The following CNTNAP2 variants were observed in gnomAD, a reference collection of about 807,000 sequenced individuals.
The protein encoded by CNTNAP2 is contactin associated protein 2, also known as contactin-associated protein-like 2.
Under a neutral mutation model 155.2 loss-of-function variants are expected in CNTNAP2, and 98 were observed. The observed-to-expected ratio is 0.63, with a 90% CI of 0.54 to 0.75. The LOEUF is 0.75. CNTNAP2 is among the 30% of genes least tolerant of loss of function. CNTNAP2 has a pLI of 0.00. For synonymous variants in CNTNAP2, 651 were observed against 631.2 expected (o/e 1.03, Z -0.47); for missense variants, 1,727 against 1,688.1 (o/e 1.02, Z -0.40).
intron 10 of CNTNAP2, among the ~76,000 whole-genome samples, chr7:147,425,779 G>A (rs964167139): frequency 5.3e-5 from 8 of 152,116 alleles, no homozygotes; most frequent in African/African-American, 1.9e-4. Context: ...GTTAATTGAA[G>A]ATGTATTTTC....
intron 6 of CNTNAP2, among the ~76,000 whole-genome samples, chr7:147,124,449 G>A (rs1254703841): frequency 6.6e-6 from 1 of 152,158 alleles, no homozygotes; most frequent in Non-Finnish European, 1.5e-5. Flanking sequence ...TATAGCATTT[G>A]TTAATTTTCA....
At chr7:147,196,622 A>T (rs2116537634) in intron 8 of CNTNAP2, among the ~76,000 whole-genome samples, 1 of 152,314 alleles carries the variant, frequency 6.6e-6, no homozygotes, top group African/African-American at 2.4e-5. Flanking sequence ...ACAAAGGAAT[A>T]AAACCTCGCC....
At chr7:147,946,027 T>C (rs2952670) in intron 14 of CNTNAP2, among the ~76,000 whole-genome samples, 126,241 of 151,620 alleles carry the variant, frequency 0.83, 53,052 homozygotes, top group South Asian at 0.93. Context: ...GCCACCATGC[T>C]CGGCTGATTT....
At chr7:147,472,240 TCTCA>T (rs1283763115) in intron 10 of CNTNAP2, among the ~76,000 whole-genome samples, 9 of 139,814 alleles carry the variant, frequency 6.4e-5, no homozygotes, top group African/African-American at 1.9e-4. Flanking sequence ...TGAGACTGAG[TCTCA>T]CTCAGTTGCC....
chr7:147,999,581 A>G (rs1329112782), intron 15 of CNTNAP2, among the ~76,000 whole-genome samples: 9 of 152,194 alleles, frequency 5.9e-5, no homozygotes, highest in Admixed American at 3.9e-4. Context: ...ATTCCCCAAA[A>G]GAGATGTTGA....
At chr7:147,863,382 A>G (rs551287000) in intron 13 of CNTNAP2, among the ~76,000 whole-genome samples, 1 of 152,310 alleles carries the variant, frequency 6.6e-6, no homozygotes, top group South Asian at 2.1e-4. Flanking sequence ...GAGTGCCACA[A>G]TAAACATACG....
intron 18 of CNTNAP2, among the ~76,000 whole-genome samples, chr7:148,204,070 A>G (rs1013177669): frequency 2.0e-5 from 3 of 152,260 alleles, no homozygotes; most frequent in Non-Finnish European, 4.4e-5. Context: ...GAATCCCATT[A>G]GCTTCTAATG....
rs2116638004 is a variant in CNTNAP2 at position 147,485,941 on chromosome 7, G to A, written c.1677G>A (p.Val559=). 1.2e-6 allele frequency: 2 copies of A among 1,613,990 alleles called. No individual in the cohort carries two copies. Among genetic ancestry groups the A allele is most frequent in the East Asian group, 2.2e-5 (1 of 44,862 alleles). ...TTGTCTCTCTCTCTGACAGATGTGTGCCCAATCACTGTGAGCATGGTGGAA... is the reference window on the plus strand; with the variant it reads ...TTGTCTCTCTCTCTGACAGATGTGTACCCAATCACTGTGAGCATGGTGGAA... ...IDMCAIIDRC[V]PNHCEHGGKC... is the part of the protein sequence containing the mutation. Residue 559 remains valine, a synonymous_variant, in exon 11 of 24, where the codon GTG becomes GTA. Coordinates refer to ENST00000361727, the MANE Select transcript of CNTNAP2 (RefSeq NM_014141.6).
intron 3 of CNTNAP2, among the ~76,000 whole-genome samples, chr7:146,970,098 A>G (rs886730309): frequency 3.3e-4 from 50 of 152,214 alleles, no homozygotes; most frequent in Non-Finnish European, 1.0e-4. Context: ...ACCTAAAACC[A>G]TAAAAACCCT....
rs138136734 is a variant in CNTNAP2 at position 146,867,520 on chromosome 7, C to T, written c.402+27616C>T. On this transcript the variant is annotated intron_variant, in intron 3 of 23. Transcript: ENST00000361727. Reference sequence around the variant, plus strand: ...CTTTATGGTAGAATGATTTATATACCTCTGGGTATATACCTGGTAATGGGA... The same window carrying T: ...CTTTATGGTAGAATGATTTATATACTTCTGGGTATATACCTGGTAATGGGA... Among the ~76,000 whole-genome samples, 1,490 of 152,024 alleles carry T rather than the reference C, an allele frequency of 9.8e-3. 79 individuals are homozygous for T. The highest frequency in any genetic ancestry group is 0.081 in the Admixed American group (1,239 of 15,258).
At chr7:146,998,191 G>A (rs989287844) in intron 3 of CNTNAP2, among the ~76,000 whole-genome samples, 5 of 151,600 alleles carry the variant, frequency 3.3e-5, no homozygotes, top group Non-Finnish European at 2.9e-5. Context: ...TTCTTTTTTA[G>A]AACTACTTTT....
At chr7:146,442,718 C>G in intron 1 of CNTNAP2, among the ~76,000 whole-genome samples, 1 of 152,104 alleles carries the variant, frequency 6.6e-6, no homozygotes, top group East Asian at 1.9e-4. Flanking sequence ...ATCGTACTAG[C>G]CCTGCACAGC....
rs1249531716 is a variant in CNTNAP2, at chr7:147,654,785, C to CTATA, written c.2098+15480_2098+15483dup. ...TCAAAGAAATCACTATCCATGGCAGCTATAGCCTAGCAAAATATATTTCTT... is the reference window on the plus strand; with the variant it reads ...TCAAAGAAATCACTATCCATGGCAGCTATATATAGCCTAGCAAAATATATTTCTT... On this transcript the variant is annotated intron_variant, in intron 13 of 23. Transcript: ENST00000361727. Among the ~76,000 whole-genome samples the CTATA allele has an allele frequency of 6.7e-5, 10 of 148,980 alleles. No individual in the cohort carries two copies. In the East Asian group the frequency reaches 2.0e-3, roughly 29 times the overall value.
chr7:147,096,460 G>A (rs1800536659), intron 4 of CNTNAP2, among the ~76,000 whole-genome samples: 1 of 152,162 alleles, frequency 6.6e-6, no homozygotes, highest in African/African-American at 2.4e-5. Context: ...TCATGGCTGA[G>A]CTTTTAATCT....
At chr7:146,453,742 G>T (rs1193508444) in intron 1 of CNTNAP2, among the ~76,000 whole-genome samples, 1 of 152,134 alleles carries the variant, frequency 6.6e-6, no homozygotes, top group Non-Finnish European at 1.5e-5. Context: ...ATATAAAAGA[G>T]ACTCTGATTT....
At chr7:147,092,940 T>C (rs1800439259) in intron 4 of CNTNAP2, among the ~76,000 whole-genome samples, 1 of 152,062 alleles carries the variant, frequency 6.6e-6, no homozygotes, top group South Asian at 2.1e-4. Context: ...AAAAGGGGTA[T>C]GGCCGGGCGC....
intron 8 of CNTNAP2, among the ~76,000 whole-genome samples, chr7:147,276,031 CT>C (rs938011295): frequency 6.6e-6 from 1 of 151,820 alleles, no homozygotes; most frequent in African/African-American, 2.4e-5. Flanking sequence ...GATGGATCAT[CT>C]TTGTATATGC....
chr7:147,374,847 A>G lies in CNTNAP2; in HGVS notation c.1499-20762A>G, dbSNP rs369832643. ...AGCGTTACTGGGTCAGAGTGTTACT[A>G]TACACTCAGTAATTTCACACATATT... is the stretch of plus-strand genomic sequence containing the variant. On this transcript the variant is annotated intron_variant, in intron 9 of 23. Coordinates refer to ENST00000361727, the MANE Select transcript of CNTNAP2 (RefSeq NM_014141.6). 6.6e-5 allele frequency among the ~76,000 whole-genome samples: 10 copies of G among 152,062 alleles called. No individual in the cohort carries two copies. The South Asian group carries it at 2.1e-3, about 32-fold the overall frequency.
intron 1 of CNTNAP2, among the ~76,000 whole-genome samples, chr7:146,244,627 G>A (rs1374843278): frequency 4.6e-5 from 7 of 152,040 alleles, no homozygotes; most frequent in Admixed American, 3.9e-4. Flanking sequence ...TCCTGAAGAC[G>A]GAGGACCATA....
Sources: gnomAD v4.1 joint callset for allele counts (sites outside exome capture counted in the v4.1 genomes callset) on GRCh38, gnomAD v4.1.1 for gene constraint, MANE v1.5 for transcripts, NCBI Gene and HGNC (gene_info 2026-07-23, HGNC 2026-07-21) for gene names.